SLC35F4: variants seen among roughly 807,000 people sequenced by gnomAD.
SLC35F4 encodes chromosome 14 open reading frame 36.
In SLC35F4, 24 loss-of-function variants were observed where a neutral mutation model predicts 44.2. The ratio of observed to expected loss-of-function variants is 0.54; its 90% CI spans 0.39 to 0.76. The LOEUF (loss-of-function observed/expected upper bound fraction) is 0.76. Ranked by LOEUF, SLC35F4 falls within the 30% of genes least tolerant of loss-of-function variation. The probability of loss-of-function intolerance (pLI) is 0.00; values close to 1 mark genes in which losing one functional copy is unlikely to be tolerated. For missense variants in SLC35F4, 562 were observed against 586.1 expected (o/e 0.96, Z 0.42); for synonymous variants, 238 against 223.6 (o/e 1.06, Z -0.57).
intron 4 of SLC35F4, among the ~76,000 whole-genome samples, chr14:57,578,325 GTTTTTTTTTTTTTTTTTTTTTTTT>G (rs199785589): frequency 2.1e-4 from 9 of 43,116 alleles, no homozygotes; most frequent in East Asian, 5.5e-4. Context: ...CCCTTTAACT[GTTTTTTTTTTTTTTTTTTTTTTTT>G]TTTTTTTTTT....
At chr14:57,801,610 T>TAGGCTC (rs935069225) in intron 1 of SLC35F4, among the ~76,000 whole-genome samples, 24 of 151,980 alleles carry the variant, frequency 1.6e-4, no homozygotes, top group Admixed American at 1.6e-3. Context: ...AAGACACACA[T>TAGGCTC]AGGCTCAAAA....
At chr14:57,644,161 T>C (rs1420162913) in intron 1 of SLC35F4, among the ~76,000 whole-genome samples, 1 of 152,228 alleles carries the variant, frequency 6.6e-6, no homozygotes, top group Non-Finnish European at 1.5e-5. Flanking sequence ...TCAAATGGTA[T>C]TTCTAGTTCT....
intron 1 of SLC35F4, among the ~76,000 whole-genome samples, chr14:57,606,439 A>T (rs1350941552): frequency 1.3e-5 from 2 of 152,166 alleles, no homozygotes; most frequent in East Asian, 1.9e-4. Flanking sequence ...ACTGATTTTA[A>T]TTTGTTTTCT....
chr14:57,812,476 C>A (rs943633719), intron 1 of SLC35F4, among the ~76,000 whole-genome samples: 1 of 152,176 alleles, frequency 6.6e-6, no homozygotes, highest in Non-Finnish European at 1.5e-5. Flanking sequence ...ATTCACACAT[C>A]TCTGAGAGGC....
At chr14:57,864,241 T>A (rs1887930248) in intron 1 of SLC35F4, among the ~76,000 whole-genome samples, 1 of 152,218 alleles carries the variant, frequency 6.6e-6, no homozygotes, top group African/African-American at 2.4e-5. Flanking sequence ...TTCCTTTACT[T>A]ATGTTTCCAG....
intron 1 of SLC35F4, among the ~76,000 whole-genome samples, chr14:57,929,955 C>T (rs1017538269): frequency 6.6e-6 from 1 of 152,046 alleles, no homozygotes; most frequent in Admixed American, 6.6e-5. Flanking sequence ...TAGGAAGAAC[C>T]CCTAGCAACC....
chr14:57,933,386 G>A (rs1191772380), intron 1 of SLC35F4, among the ~76,000 whole-genome samples: 1 of 152,060 alleles, frequency 6.6e-6, no homozygotes, highest in Non-Finnish European at 1.5e-5. Flanking sequence ...CAAACTGTTG[G>A]GTAGCTCGTG....
At chr14:57,833,656 C>A (rs1352057798) in intron 1 of SLC35F4, among the ~76,000 whole-genome samples, 4 of 152,192 alleles carry the variant, frequency 2.6e-5, no homozygotes, top group Non-Finnish European at 4.4e-5. Context: ...GAGTTACAAC[C>A]AATATCAAAT....
chr14:57,958,335 T>C (rs1472100290), intron 1 of SLC35F4, among the ~76,000 whole-genome samples: 1 of 152,148 alleles, frequency 6.6e-6, no homozygotes, highest in Non-Finnish European at 1.5e-5. Context: ...TGAGATTACA[T>C]GCGTGAGCCA....
chr14:57,703,091 A>C (rs779238543), intron 1 of SLC35F4, among the ~76,000 whole-genome samples: 27 of 152,154 alleles, frequency 1.8e-4, no homozygotes, highest in Admixed American at 8.5e-4. Context: ...GAATAATAGG[A>C]AACTAGAACT....
chr14:57,633,063 G>C (rs184115863), intron 1 of SLC35F4, among the ~76,000 whole-genome samples: 9 of 152,176 alleles, frequency 5.9e-5, no homozygotes, highest in African/African-American at 2.2e-4. Context: ...TTCATAATCT[G>C]ATAGCTCATT....
At chr14:57,584,752 C>A (rs1453057004) in intron 3 of SLC35F4, among the ~76,000 whole-genome samples, 1 of 151,946 alleles carries the variant, frequency 6.6e-6, no homozygotes, top group African/African-American at 2.4e-5. Context: ...GCAGCAGTCT[C>A]TTGTTTTAAA....
At chr14:57,673,445 G>A (rs1425822613) in intron 1 of SLC35F4, among the ~76,000 whole-genome samples, 1 of 152,076 alleles carries the variant, frequency 6.6e-6, no homozygotes, top group Non-Finnish European at 1.5e-5. Flanking sequence ...GTAAAATGGG[G>A]CTCATAATAC....
Position 57,593,964 on chromosome 14 carries a change from G to A in SLC35F4, c.264C>T (p.His88=). 6.2e-7 allele frequency: 1 copy of A among 1,613,890 alleles called. No homozygotes were observed. The highest frequency in any genetic ancestry group is 8.5e-7 in the Non-Finnish European group (1 of 1,179,852). ...QNQGSSGVCG[H]RVERQNRSAD... is the part of the protein sequence containing the mutation. ...CTGATCTGTTCTGTCTCTCAACTCT[G>A]TGTCCACAAACTCCTGAGGATCCTT... is the stretch of plus-strand genomic sequence containing the variant. The change falls in exon 2 of 8, where the codon CAC becomes CAT. Residue 88 remains histidine, a synonymous_variant. Coordinates refer to ENST00000556826, the MANE Select transcript of SLC35F4 (RefSeq NM_001306087.2).
intron 1 of SLC35F4, among the ~76,000 whole-genome samples, chr14:57,662,831 T>G (rs2074182929): frequency 6.6e-6 from 1 of 152,154 alleles, no homozygotes; most frequent in Non-Finnish European, 1.5e-5. Flanking sequence ...AAGGCTGATC[T>G]CTGAACACCG....
At chr14:57,765,181 A>T (rs2077207336) in intron 1 of SLC35F4, among the ~76,000 whole-genome samples, 1 of 152,232 alleles carries the variant, frequency 6.6e-6, no homozygotes, top group Non-Finnish European at 1.5e-5. Context: ...CAGATTTGGG[A>T]AAATGCATTA....
At chr14:57,917,153 T>C (rs1051081231) in intron 1 of SLC35F4, among the ~76,000 whole-genome samples, 1 of 152,050 alleles carries the variant, frequency 6.6e-6, no homozygotes, top group Admixed American at 6.6e-5. Flanking sequence ...CTCCACCTCC[T>C]TGGTTCAAGT....
intron 1 of SLC35F4, among the ~76,000 whole-genome samples, chr14:57,635,243 C>T (rs1011775132): frequency 2.1e-4 from 28 of 132,096 alleles, no homozygotes; most frequent in Non-Finnish European, 2.9e-4. Context: ...AAGACTCTTA[C>T]TCAAAAAAAA....
At chr14:57,773,727 G>A (rs1353833243) in intron 1 of SLC35F4, among the ~76,000 whole-genome samples, 1 of 152,050 alleles carries the variant, frequency 6.6e-6, no homozygotes, top group Non-Finnish European at 1.5e-5. Context: ...CAGTTCATCA[G>A]TTGTTTATGG....
Sources: allele counts gnomAD v4.1 joint callset (sites outside exome capture counted in the v4.1 genomes callset), GRCh38; gene constraint gnomAD v4.1.1; transcripts MANE v1.5; gene names NCBI Gene and HGNC (gene_info 2026-07-23, HGNC 2026-07-21).